The following STXBP4 variants were observed in gnomAD, a reference collection of about 807,000 sequenced individuals.
STXBP4 encodes the protein syntaxin-binding protein 4.
A neutral mutation model predicts 76.1 loss-of-function variants in STXBP4; 55 were observed. The observed-to-expected ratio is 0.72, with a 90% confidence interval of 0.58 to 0.91. The LOEUF is 0.91. Ranked by LOEUF, STXBP4 falls within the 40% of genes least tolerant of loss-of-function variation. The pLI, the probability that STXBP4 is intolerant of heterozygous loss-of-function variation, is 0.00. For missense variants in STXBP4, 618 were observed against 636.9 expected, an observed-to-expected ratio of 0.97 and a Z score of 0.32; for synonymous variants, 201 against 220.2, an observed-to-expected ratio of 0.91 and a Z score of 0.77.
At chr17:55,049,614 T>A (rs2144771128) in intron 12 of STXBP4, among the ~76,000 whole-genome samples, 1 of 151,926 alleles carries the variant, frequency 6.6e-6, no homozygotes, top group South Asian at 2.1e-4. Flanking sequence ...CAAACCTTCA[T>A]AAACACCAAA....
At chr17:55,106,353 G>A (rs139241140) in intron 16 of STXBP4, among the ~76,000 whole-genome samples, 1 of 150,808 alleles carries the variant, frequency 6.6e-6, no homozygotes, top group East Asian at 1.9e-4. Flanking sequence ...GCCTATGTGT[G>A]TCTTTGCACT....
chr17:55,196,889 T>C, the STXBP4 span, among the ~76,000 whole-genome samples: 12 of 152,206 alleles, frequency 7.9e-5, no homozygotes, highest in Admixed American at 3.9e-4. Context: ...AATAGCCAAG[T>C]CATAACAATG....
At chr17:55,036,253 T>C (rs1444481137) in intron 10 of STXBP4, among the ~76,000 whole-genome samples, 1 of 152,038 alleles carries the variant, frequency 6.6e-6, no homozygotes, top group Non-Finnish European at 1.5e-5. Context: ...AATTTTGCTC[T>C]GTTGAATTTA....
At chr17:54,982,594 T>TTGTGTGTGTGTG (rs61223151) in intron 1 of STXBP4, among the ~76,000 whole-genome samples, 1 of 149,086 alleles carries the variant, frequency 6.7e-6, no homozygotes, top group African/African-American at 2.5e-5. Context: ...TGAGGGTGGT[T>TTGTGTGTGTGTG]TGTGTGTGTG....
At chr17:55,111,319 T>C (rs1012675622) in intron 16 of STXBP4, among the ~76,000 whole-genome samples, 4 of 152,178 alleles carry the variant, frequency 2.6e-5, no homozygotes, top group Non-Finnish European at 4.4e-5. Flanking sequence ...TTTCTACCAC[T>C]CTTCCCCTGC....
At chr17:55,196,588 G>A in the STXBP4 span, among the ~76,000 whole-genome samples, 20 of 152,226 alleles carry the variant, frequency 1.3e-4, no homozygotes, top group African/African-American at 4.6e-4. Flanking sequence ...CACTGCTCTG[G>A]TAAATAATTT....
intron 3 of STXBP4, among the ~76,000 whole-genome samples, chr17:54,988,948 A>G (rs2077668917): frequency 6.6e-6 from 1 of 152,186 alleles, no homozygotes; most frequent in Non-Finnish European, 1.5e-5. Context: ...ATGGAGAGCA[A>G]AATAGTCAAA....
rs2077625335 is a variant in STXBP4, at chr17:54,986,282, A to C, written c.47+16A>C. ...TACTTGAAAAGTAATTTTTAAGTTT[A>C]ATATGTTTTGAAATATAGTTTGAAA... On this transcript the variant is annotated intron_variant, in intron 3 of 17. Coordinates refer to ENST00000376352, the MANE Select transcript of STXBP4 (RefSeq NM_178509.6). 6.5e-7 allele frequency: 1 copy of C among 1,544,460 alleles called. No homozygotes were observed. Among genetic ancestry groups the C allele is most frequent in the East Asian group, 2.3e-5 (1 of 44,258 alleles).
At chr17:55,055,403 C>T (rs1284448234) in intron 12 of STXBP4, among the ~76,000 whole-genome samples, 2 of 152,140 alleles carry the variant, frequency 1.3e-5, no homozygotes, top group Admixed American at 6.6e-5. Flanking sequence ...TTAGAAATCA[C>T]AGAATTTTGC....
intron 1 of STXBP4, among the ~76,000 whole-genome samples, chr17:54,983,279 T>G (rs2077576139): frequency 6.6e-6 from 1 of 152,198 alleles, no homozygotes; most frequent in African/African-American, 2.4e-5. Context: ...ACACCTAAAT[T>G]TTATTTTAAA....
chr17:55,067,552 T>C (rs1337887931), intron 12 of STXBP4, among the ~76,000 whole-genome samples: 1 of 152,166 alleles, frequency 6.6e-6, no homozygotes, highest in Non-Finnish European at 1.5e-5. Context: ...CTAAAGCTAG[T>C]AAGTAGGTTG....
At chr17:54,986,831 A>G (rs34275922) in intron 3 of STXBP4, among the ~76,000 whole-genome samples, 4,536 of 152,202 alleles carry the variant, frequency 0.03, 119 homozygotes, top group Non-Finnish European at 0.045. Flanking sequence ...TTTTCTCATG[A>G]TTCAGTGGGT....
chr17:55,125,479 C>CAAA (rs10632680), intron 16 of STXBP4, among the ~76,000 whole-genome samples: 5,065 of 91,532 alleles, frequency 0.055, 491 homozygotes, highest in African/African-American at 0.17. Context: ...GGACAAAATA[C>CAAA]AAAAAAAAAA....
intron 8 of STXBP4, among the ~76,000 whole-genome samples, chr17:55,022,842 G>A (rs2078339499): frequency 6.6e-6 from 1 of 152,218 alleles, no homozygotes; most frequent in African/African-American, 2.4e-5. Context: ...AACGACGTAA[G>A]TCAGGGAGAT....
chr17:55,036,766 G>A (rs1048032532), intron 10 of STXBP4, among the ~76,000 whole-genome samples: 1 of 151,994 alleles, frequency 6.6e-6, no homozygotes, highest in East Asian at 1.9e-4. Flanking sequence ...TTTAGTTCAA[G>A]TTTAAAAACA....
At chr17:55,017,700 G>C (rs11079150) in intron 8 of STXBP4, among the ~76,000 whole-genome samples, 55,278 of 152,016 alleles carry the variant, frequency 0.36, 10,888 homozygotes, top group East Asian at 0.54. Context: ...CGGGAGTTCG[G>C]GACGACAGCT....
rs887409546 is a variant in STXBP4, at chr17:55,164,381, C to G, written c.*4470C>G. 1.1e-4 allele frequency: 16 copies of G among 151,190 alleles called. No individual in the cohort carries two copies. Among genetic ancestry groups the G allele is most frequent in the African/African-American group, 3.9e-4 (16 of 41,130 alleles). 9.4% of individuals were successfully genotyped at this position (151,190 alleles called of 1,614,324 possible). A position where few individuals can be genotyped will look rare whatever the true frequency, so the allele number is the denominator to read the frequency against. On this transcript the variant is annotated 3_prime_UTR_variant, in exon 18 of 18. Coordinates refer to ENST00000376352, the MANE Select transcript of STXBP4 (RefSeq NM_178509.6). Reference sequence around the variant, plus strand: ...GGCGATCAGATCAATAGTTCTGTCCCCCATTCCATTCCCCCATCACCCAAT... The same window carrying G: ...GGCGATCAGATCAATAGTTCTGTCCGCCATTCCATTCCCCCATCACCCAAT...
intron 14 of STXBP4, 89 bp from the exon 15 acceptor site, chr17:55,078,596 CA>C: frequency 1.2e-6 from 1 of 804,138 alleles, no homozygotes; most frequent in Non-Finnish European, 2.1e-6. Context: ...AATCCGTGGA[CA>C]GAGGAGGTTA....
downstream of STXBP4, among the ~76,000 whole-genome samples, chr17:55,177,909 T>C (rs1198861808): frequency 6.6e-6 from 1 of 152,060 alleles, no homozygotes; most frequent in East Asian, 1.9e-4. Context: ...TTTGCAGCTG[T>C]TCCACTCCCT....
Sources: allele counts gnomAD v4.1 joint callset (sites outside exome capture counted in the v4.1 genomes callset), GRCh38; gene constraint gnomAD v4.1.1; transcripts MANE v1.5; gene names NCBI Gene and HGNC (gene_info 2026-07-23, HGNC 2026-07-21).